Variants in MYO19 observed in about 807,000 individuals in gnomAD.
MYO19 encodes myosin XIX.
In MYO19, 132 loss-of-function variants were observed where a neutral mutation model predicts 129.2. That is an observed-to-expected ratio of 1.02 (90% CI 0.89 to 1.18). The LOEUF (loss-of-function observed/expected upper bound fraction) is 1.18, where lower values mean the gene tolerates loss of function less well. MYO19 is among the 50% of genes most tolerant of loss of function. The pLI, the probability that MYO19 is intolerant of heterozygous loss-of-function variation, is 0.00. For missense variants in MYO19, 1,210 were observed against 1,216.7 expected, an observed-to-expected ratio of 0.99 and a Z score of 0.08; for synonymous variants, 531 against 477.2, an observed-to-expected ratio of 1.11 and a Z score of -1.47.
At chr17:36,536,113 G>A (rs1444284182), upstream of MYO19, among the ~76,000 whole-genome samples, 1 of 152,170 alleles carries the variant, frequency 6.6e-6, no homozygotes, top group Non-Finnish European at 1.5e-5. Flanking sequence ...GTGGCATTCA[G>A]AGGTGTTTTA....
chr17:36,534,387 C>T (rs1190885422), intron 1 of MYO19, among the ~76,000 whole-genome samples: 5 of 152,138 alleles, frequency 3.3e-5, no homozygotes, highest in Non-Finnish European at 7.4e-5. Flanking sequence ...TATGTCCTTC[C>T]CAGGAAGGTG....
chr17:36,505,233 A>C lies in MYO19; in HGVS notation c.1905+64T>G, dbSNP rs895225258. 4 of 1,409,852 alleles carry C rather than the reference A, an allele frequency of 2.8e-6. No homozygotes were observed. In the African/African-American group the frequency reaches 4.2e-5, roughly 15 times the overall value. The allele number at this position is 1,409,852 out of a possible 1,614,324, so 87.3% of individuals were successfully genotyped here. A position where few individuals can be genotyped will look rare whatever the true frequency, so the allele number is the denominator to read the frequency against. On this transcript the variant is annotated intron_variant, in intron 19 of 25. Transcript: ENST00000614623. ...ATTTGGAACAGATGTCCTGCCCTTCATCTCTCCAGGGCCTTGGCCAGATGG... is the reference window on the plus strand; with the variant it reads ...ATTTGGAACAGATGTCCTGCCCTTCCTCTCTCCAGGGCCTTGGCCAGATGG...
At position 36,507,481 on chromosome 17, in the gene MYO19, G is replaced by T; in HGVS notation, c.1385C>A (p.Ser462Ter). Residue 462 changes from serine to a stop codon, truncating the protein, a stop_gained, in exon 16 of 26, where the codon TCA becomes TAA. Transcript: ENST00000614623. LOFTEE classifies it high-confidence loss of function. ...CTGGTTGTCCTGGTAGTTGATGAAT[G>T]ACCACTCCAGGCCCTCAACTGCGTA... is the stretch of plus-strand genomic sequence containing the variant. Reference protein sequence around the residue: ...EEYAVEGLEWSFINYQDNQPC... With the variant: ...EEYAVEGLEW 1 of 1,613,698 alleles carries T rather than the reference G, an allele frequency of 6.2e-7. No individual in the cohort carries two copies. Among genetic ancestry groups the T allele is most frequent in the Non-Finnish European group, 8.5e-7 (1 of 1,179,854 alleles).
rs754720899 is a variant in MYO19 at position 36,503,098 on chromosome 17, A to G, written c.2079T>C (p.Pro693=). ...PDSPYPAKGL[P]EWCPHSEEAT... ...GACTAACTCATGGGTCCCACTCACC[A>G]GGGAGCCCTTTGGCAGGATATGGGC... is the stretch of plus-strand genomic sequence containing the variant. The change falls in exon 21 of 26, where the codon CCT becomes CCC. Residue 693 remains proline, a splice_region_variant and synonymous_variant. Transcript: ENST00000614623. 15 of 1,612,942 alleles carry G rather than the reference A, an allele frequency of 9.3e-6. No individual in the cohort carries two copies. Among genetic ancestry groups the G allele is most frequent in the Admixed American group, 1.7e-5 (1 of 60,024 alleles).
At chr17:36,520,891 C>G (rs1189997144) in intron 6 of MYO19, among the ~76,000 whole-genome samples, 1 of 152,174 alleles carries the variant, frequency 6.6e-6, no homozygotes, top group Non-Finnish European at 1.5e-5. Context: ...TGCCCCTAAC[C>G]TCTGCATTGT....
At chr17:36,508,033 G>A in intron 14 of MYO19, 109 bp from the exon 15 acceptor site, 1 of 1,247,358 alleles carries the variant, frequency 8.0e-7, no homozygotes, top group Non-Finnish European at 1.1e-6. Flanking sequence ...ATACTTGGCA[G>A]CCTGGGCATC....
In MYO19 at chr17:36,498,265, C is replaced by T. The variant is rs778224764; in HGVS notation, c.2757+1G>A. 3 of 1,609,672 alleles carry T rather than the reference C, an allele frequency of 1.9e-6. No individual in the cohort carries two copies. In the South Asian group the frequency reaches 3.3e-5, roughly 18 times the overall value. On this transcript the variant is annotated splice_donor_variant, in intron 25 of 25. Transcript: ENST00000614623. LOFTEE classifies it high-confidence loss of function. ...TGTCATGGCCATCACACACAACGTA[C>T]CTGAGGCAGCGCTCGGATGGACGTG...
intron 6 of MYO19, among the ~76,000 whole-genome samples, chr17:36,522,924 T>C (rs1470187306): frequency 6.7e-6 from 1 of 148,890 alleles, no homozygotes; most frequent in African/African-American, 2.5e-5. Context: ...GAGAATGGTG[T>C]GAACCCGGGA....
chr17:36,513,730 G>A lies in MYO19; in HGVS notation c.721-5C>T. On this transcript the variant is annotated splice_region_variant and splice_polypyrimidine_tract_variant and intron_variant, in intron 9 of 25. Coordinates refer to ENST00000614623, the MANE Select transcript of MYO19 (RefSeq NM_001163735.2). ...CTCACTGGCTCCTTTGCAAATCTGTGGAGAAGGGTAGGTGGGAGGCTGGGT... is the reference window on the plus strand; with the variant it reads ...CTCACTGGCTCCTTTGCAAATCTGTAGAGAAGGGTAGGTGGGAGGCTGGGT... 1.9e-6 allele frequency: 3 copies of A among 1,612,820 alleles called. No individual in the cohort carries two copies. The highest frequency in any genetic ancestry group is 2.5e-6 in the Non-Finnish European group (3 of 1,179,474).
At chr17:36,501,442 T>C (rs997820483) in intron 21 of MYO19, 3 of 529,300 alleles carry the variant, frequency 5.7e-6, no homozygotes, top group Admixed American at 6.9e-5. Flanking sequence ...CCGTGGAGCC[T>C]TGGAATACCC....
rs2072276656 is a variant in MYO19, at chr17:36,510,893, A to T, written c.1010T>A (p.Leu337Gln). The change falls in exon 13 of 26, where the codon CTG becomes CAG. Residue 337 changes from leucine to glutamine, a missense_variant. Transcript: ENST00000614623. Reference sequence around the variant, plus strand: ...CAGCACGTCCTCTGGGAGCCCCAGCAGCGAGGCTGCCGTCCTGACAGAGTC... The same window carrying T: ...CAGCACGTCCTCTGGGAGCCCCAGCTGCGAGGCTGCCGTCCTGACAGAGTC... ...AKYSVRTAAS[L>Q]LGLPEDVLLE... is the part of the protein sequence containing the mutation. 3 of 1,580,652 alleles carry T rather than the reference A, an allele frequency of 1.9e-6. No individual in the cohort carries two copies. In the East Asian group the frequency reaches 7.0e-5, roughly 37 times the overall value.
chr17:36,522,232 G>A (rs762691327), intron 6 of MYO19, among the ~76,000 whole-genome samples: 8 of 151,448 alleles, frequency 5.3e-5, no homozygotes, highest in East Asian at 2.0e-4. Flanking sequence ...TGGTTTGGCC[G>A]GGCGTGGTGG....
At chr17:36,498,594 T>A in intron 24 of MYO19, 35 bp from the exon 25 acceptor site, 1 of 1,569,694 alleles carries the variant, frequency 6.4e-7, no homozygotes, top group Non-Finnish European at 8.7e-7. Flanking sequence ...AGCTTTAGAT[T>A]TATCTAGCCC....
intron 23 of MYO19, among the ~76,000 whole-genome samples, chr17:36,499,518 T>C (rs556922382): frequency 2.6e-5 from 4 of 152,152 alleles, no homozygotes; most frequent in Admixed American, 2.0e-4. Flanking sequence ...TTTTTTTGTT[T>C]TGTTTTTAAT....
In MYO19 at chr17:36,513,696, CCT is replaced by C. The variant is rs769813941; in HGVS notation, c.748_749del (p.Arg250AlafsTer7). The C allele has an allele frequency of 6.2e-7, 1 of 1,613,788 alleles. No individual in the cohort carries two copies. The highest frequency in any genetic ancestry group is 2.2e-5 in the East Asian group (1 of 44,870). On this transcript the variant is annotated frameshift_variant, in exon 10 of 26. Transcript: ENST00000614623. LOFTEE classifies it high-confidence loss of function. ...CTCCCTCAGGAAGGTGCCACTGGAG[CCT>C]CTCGTCCTCACTGGCTCCTTTGCAA... The part of the protein sequence containing the change: ...QICKGASEDE[R>X]LQWHLPEGAA...
intron 5 of MYO19, among the ~76,000 whole-genome samples, chr17:36,526,377 A>C (rs1223719890): frequency 6.7e-6 from 1 of 150,344 alleles, no homozygotes; most frequent in East Asian, 2.0e-4. Context: ...TGCCCCCAAG[A>C]CCTCCCTCCT....
chr17:36,510,959 C>T lies in MYO19; in HGVS notation c.986-42G>A, dbSNP rs375928548. ...CTCTTTAGGCAAATCACTCTCCATCCAGTCCTCTTCACGAGGCACTGTGAA... is the reference window on the plus strand; with the variant it reads ...CTCTTTAGGCAAATCACTCTCCATCTAGTCCTCTTCACGAGGCACTGTGAA... On this transcript the variant is annotated intron_variant, in intron 12 of 25. Transcript: ENST00000614623. The T allele has an allele frequency of 4.7e-4, 717 of 1,530,834 alleles. 1 individual carries two copies. The highest frequency in any genetic ancestry group is 6.1e-4 in the Non-Finnish European group (696 of 1,132,468). The allele number at this position is 1,530,834 out of a possible 1,614,324, so 94.8% of individuals were successfully genotyped here.
chr17:36,528,345 A>G, intron 3 of MYO19, 143 bp from the exon 4 acceptor site: 1 of 859,150 alleles, frequency 1.2e-6, no homozygotes, highest in East Asian at 2.8e-5. Context: ...CGTCTCTACT[A>G]AAAAAAATTC....
In MYO19 at chr17:36,506,958, C is replaced by T. The variant is rs758903412; in HGVS notation, c.1644+5G>A. On this transcript the variant is annotated splice_donor_5th_base_variant and intron_variant, in intron 17 of 25. Coordinates refer to ENST00000614623, the MANE Select transcript of MYO19 (RefSeq NM_001163735.2). ...AGGCCCCACAGGGCATGGCCCAGCCCGTACCTTGTTCTTCTCCACCAGGCC... is the reference window on the plus strand; with the variant it reads ...AGGCCCCACAGGGCATGGCCCAGCCTGTACCTTGTTCTTCTCCACCAGGCC... 14 of 1,588,016 alleles carry T rather than the reference C, an allele frequency of 8.8e-6. No individual in the cohort carries two copies. The South Asian group carries it at 1.3e-4, about 15-fold the overall frequency.
Sources: allele counts gnomAD v4.1 joint callset (sites outside exome capture counted in the v4.1 genomes callset), GRCh38; gene constraint gnomAD v4.1.1; transcripts MANE v1.5; gene names NCBI Gene and HGNC (gene_info 2026-07-23, HGNC 2026-07-21).